DNAH9: variants seen among roughly 807,000 people sequenced by gnomAD.
The protein encoded by DNAH9 is DNAH9 variant protein.
In DNAH9, 345 loss-of-function variants were observed where a neutral mutation model predicts 471.6. The observed-to-expected ratio is 0.73, with a 90% CI of 0.67 to 0.80. The LOEUF (loss-of-function observed/expected upper bound fraction) is 0.80, where lower values mean the gene tolerates loss of function less well. DNAH9 is among the 30% of genes least tolerant of loss of function. The pLI is 0.00. For synonymous variants in DNAH9, 2,093 were observed against 2,123.6 expected, an observed-to-expected ratio of 0.99 and a Z score of 0.40; for missense variants, 5,407 against 5,609.2, an observed-to-expected ratio of 0.96 and a Z score of 1.15.
chr17:11,673,601 G>GTT (rs59481227), intron 17 of DNAH9, among the ~76,000 whole-genome samples: 9,216 of 130,790 alleles, frequency 0.07, 291 homozygotes, highest in Middle Eastern at 0.087. Context: ...GTTTATATTT[G>GTT]TTTTTTTTTT....
chr17:11,919,853 G>A (rs1416762815), intron 61 of DNAH9, among the ~76,000 whole-genome samples: 1 of 152,040 alleles, frequency 6.6e-6, no homozygotes, highest in East Asian at 1.9e-4. Context: ...ACATTTCACT[G>A]AAGTAGAAAA....
intron 1 of DNAH9, among the ~76,000 whole-genome samples, chr17:11,606,992 T>C (rs1239674352): frequency 6.6e-6 from 1 of 152,192 alleles, no homozygotes; most frequent in Admixed American, 6.5e-5. Flanking sequence ...CATGTTCACC[T>C]ATGGATTTGG....
Position 11,784,633 on chromosome 17 carries a change from A to G in DNAH9, c.8061+94A>G, listed in dbSNP as rs1414468923. The G allele has an allele frequency of 3.9e-6, 6 of 1,546,442 alleles. No individual in the cohort carries two copies. In the East Asian group the frequency reaches 9.0e-5, roughly 23 times the overall value. On this transcript the variant is annotated intron_variant, in intron 41 of 68. Coordinates refer to ENST00000262442, the MANE Select transcript of DNAH9 (RefSeq NM_001372.4). ...AATAAGTAGCTAATGCCCAGCTCAT[A>G]GGCACAGGCAAAGCCACTGTTCATA... is the stretch of plus-strand genomic sequence containing the variant.
chr17:11,687,932 G>A lies in DNAH9; in HGVS notation c.3744-1634G>A, dbSNP rs996012974. 3.3e-5 allele frequency among the ~76,000 whole-genome samples: 5 copies of A among 151,552 alleles called. No individual in the cohort carries two copies. In the South Asian group the frequency reaches 8.4e-4, roughly 25 times the overall value. On this transcript the variant is annotated intron_variant, in intron 19 of 68. Transcript: ENST00000262442. ...AGGTGGATCATGAGGTCAGGAGATG[G>A]AGACCATCCTGGCCAACATAGTGAA...
chr17:11,724,662 G>A (rs2075121982), intron 27 of DNAH9, among the ~76,000 whole-genome samples: 1 of 152,164 alleles, frequency 6.6e-6, no homozygotes, highest in Non-Finnish European at 1.5e-5. Flanking sequence ...CTTAGTATTT[G>A]TGACACTTGG....
chr17:11,652,255 T>C lies in DNAH9; in HGVS notation c.2354-506T>C, dbSNP rs567065318. 5.9e-4 allele frequency among the ~76,000 whole-genome samples: 86 copies of C among 145,030 alleles called. 1 individual carries two copies. The highest frequency in any genetic ancestry group is 2.1e-3 in the African/African-American group (83 of 39,918). ...AGCATTACCTCTTTCTCTTCCTCCA[T>C]AATCAGGATTATGGTAAGGGTAGGC... On this transcript the variant is annotated intron_variant, in intron 13 of 68. Transcript: ENST00000262442.
intron 61 of DNAH9, among the ~76,000 whole-genome samples, chr17:11,920,140 G>A (rs1466609174): frequency 2.0e-5 from 3 of 151,086 alleles, no homozygotes; most frequent in African/African-American, 7.3e-5. Flanking sequence ...AGGTTCAAGC[G>A]ATTCTCCTGC....
intron 35 of DNAH9, among the ~76,000 whole-genome samples, chr17:11,758,404 T>C (rs1258244003): frequency 6.6e-6 from 1 of 152,182 alleles, no homozygotes; most frequent in Non-Finnish European, 1.5e-5. Context: ...TGATGCATCA[T>C]TCTGTGAATC....
chr17:11,611,562 C>T (rs891699110), intron 3 of DNAH9, 88 bp from the exon 4 acceptor site: 19 of 1,382,568 alleles, frequency 1.4e-5, no homozygotes, highest in Non-Finnish European at 1.9e-5. Context: ...GGCAGGGCTC[C>T]TCTCTTTCTG....
chr17:11,946,685 A>G (rs1299910782), intron 67 of DNAH9, among the ~76,000 whole-genome samples: 1 of 151,216 alleles, frequency 6.6e-6, no homozygotes, highest in Non-Finnish European at 1.5e-5. Context: ...AAAAAAGAAA[A>G]AGAAAAAAAA....
intron 41 of DNAH9, 50 bp from the exon 42 acceptor site, chr17:11,793,453 A>G: frequency 6.4e-7 from 1 of 1,555,324 alleles, no homozygotes; most frequent in Non-Finnish European, 8.7e-7. Flanking sequence ...TAGCTATTGT[A>G]CCTCTGGATG....
At chr17:11,716,251 T>C (rs1971671) in intron 26 of DNAH9, among the ~76,000 whole-genome samples, 1 of 151,638 alleles carries the variant, frequency 6.6e-6, no homozygotes, top group Non-Finnish European at 1.5e-5. Flanking sequence ...GCCCAGCTAA[T>C]TTTGTATTTT....
chr17:11,640,869 C>T (rs1029018180), intron 10 of DNAH9, among the ~76,000 whole-genome samples: 1 of 152,144 alleles, frequency 6.6e-6, no homozygotes, highest in Non-Finnish European at 1.5e-5. Context: ...GGCTGTGAAT[C>T]TGCCCCTTCA....
intron 45 of DNAH9, among the ~76,000 whole-genome samples, chr17:11,819,019 A>C (rs973558244): frequency 1.5e-4 from 23 of 151,756 alleles, no homozygotes; most frequent in African/African-American, 5.3e-4. Context: ...ATTTTATTCT[A>C]TTCCATCTTT....
At chr17:11,659,440 C>G (rs937879118) in intron 14 of DNAH9, among the ~76,000 whole-genome samples, 3 of 152,042 alleles carry the variant, frequency 2.0e-5, no homozygotes, top group African/African-American at 4.8e-5. Flanking sequence ...TGGAAGGCTG[C>G]CCTGCTGCAC....
chr17:11,652,951 A>G lies in DNAH9; in HGVS notation c.2544A>G (p.Lys848=). The G allele has an allele frequency of 3.7e-6, 6 of 1,614,096 alleles. No homozygotes were observed. In the East Asian group the frequency reaches 1.3e-4, roughly 36 times the overall value. Residue 848 remains lysine (K), a synonymous_variant, in exon 14 of 69, where the codon AAA becomes AAG. Coordinates refer to ENST00000262442, the MANE Select transcript of DNAH9 (RefSeq NM_001372.4). ...ATGATCGGCATGATCGAATGGAAAA[A>G]TATTACAATCTCATCAAGGAATCTG... ...SLDDRHDRME[K]YYNLIKESGL...
intron 19 of DNAH9, among the ~76,000 whole-genome samples, chr17:11,683,729 A>G (rs1247251872): frequency 6.6e-6 from 1 of 151,974 alleles, no homozygotes; most frequent in Non-Finnish European, 1.5e-5. Flanking sequence ...GGCTGTGAGG[A>G]TACTGCTACT....
At chr17:11,795,265 G>A (rs970944331) in intron 42 of DNAH9, among the ~76,000 whole-genome samples, 2 of 152,100 alleles carry the variant, frequency 1.3e-5, no homozygotes, top group South Asian at 2.1e-4. Context: ...ACCTGAGATC[G>A]TATTCTATTT....
At position 11,744,993 on chromosome 17, in the gene DNAH9, TC is replaced by T; in HGVS notation, c.6313del (p.Arg2105GlyfsTer15). ...GGGGACCTCTTTCCCGCCCTGGATGTCCCCCGGAGGAGAGACCCCAACTTCG... is the reference window on the plus strand; with the variant it reads ...GGGGACCTCTTTCCCGCCCTGGATGTCCCCGGAGGAGAGACCCCAACTTCG... Reference protein sequence around the residue: ...LIGDLFPALDVPRRRDPNFEA... With the variant: ...LIGDLFPALDXPRRRDPNFEA... On this transcript the variant is annotated frameshift_variant, in exon 31 of 69. Transcript: ENST00000262442. LOFTEE classifies it high-confidence loss of function. 6.2e-7 allele frequency: 1 copy of T among 1,614,050 alleles called. No homozygotes were observed. Among genetic ancestry groups the T allele is most frequent in the East Asian group, 2.2e-5 (1 of 44,878 alleles).
Sources: allele counts gnomAD v4.1 joint callset (sites outside exome capture counted in the v4.1 genomes callset), GRCh38; gene constraint gnomAD v4.1.1; transcripts MANE v1.5; gene names NCBI Gene and HGNC (gene_info 2026-07-23, HGNC 2026-07-21).